The following CD109 variants were observed in gnomAD, a reference collection of about 807,000 sequenced individuals.
The protein encoded by CD109 is CD109 molecule.
In CD109, 149 loss-of-function variants were observed where a neutral mutation model predicts 165.8. The observed-to-expected ratio is 0.90, with a 90% CI of 0.79 to 1.03. The LOEUF is 1.03. CD109 is among the 50% of genes least tolerant of loss of function. The probability of loss-of-function intolerance (pLI) is 0.00; values close to 1 mark genes in which losing one functional copy is unlikely to be tolerated. For missense variants in CD109, 1,712 were observed against 1,677.8 expected, an observed-to-expected ratio of 1.02 and a Z score of -0.36; for synonymous variants, 585 against 592.1, an observed-to-expected ratio of 0.99 and a Z score of 0.18.
At chr6:73,693,649 C>G (rs1770728668), upstream of CD109, among the ~76,000 whole-genome samples, 2 of 152,160 alleles carry the variant, frequency 1.3e-5, no homozygotes, top group Non-Finnish European at 2.9e-5. Context: ...CTCCTGGGTT[C>G]AAGTGATTGT....
At chr6:73,703,991 C>A (rs1326631333) in intron 2 of CD109, among the ~76,000 whole-genome samples, 4 of 152,032 alleles carry the variant, frequency 2.6e-5, no homozygotes, top group Admixed American at 6.6e-5. Flanking sequence ...TCGAGACCAG[C>A]CTGGCCAACA....
chr6:73,724,110 A>G (rs1433734237), intron 3 of CD109, among the ~76,000 whole-genome samples: 2 of 152,130 alleles, frequency 1.3e-5, no homozygotes. Flanking sequence ...TTTTTGCATT[A>G]ATTTTGATAT....
intron 3 of CD109, among the ~76,000 whole-genome samples, chr6:73,724,738 C>G (rs1400521804): frequency 6.6e-6 from 1 of 151,794 alleles, no homozygotes; most frequent in Non-Finnish European, 1.5e-5. Flanking sequence ...CTCAGCCTCC[C>G]GACTACTGGC....
rs945072796 is a variant in CD109, at chr6:73,708,684, C to T, written c.247+11112C>T. ...TGTTGTTTCCTGACTTTTTAATGAT[C>T]GCCATTCTAACTGGTGTGAGATGGT... is the stretch of plus-strand genomic sequence containing the variant. On this transcript the variant is annotated intron_variant, in intron 2 of 32. Transcript: ENST00000287097. 1.6e-4 allele frequency among the ~76,000 whole-genome samples: 25 copies of T among 152,224 alleles called. No homozygotes were observed. The East Asian group carries it at 2.9e-3, about 18-fold the overall frequency.
chr6:73,769,994 A>G (rs1049790559), intron 14 of CD109, among the ~76,000 whole-genome samples: 1 of 152,238 alleles, frequency 6.6e-6, no homozygotes, highest in Admixed American at 6.5e-5. Context: ...AAGGCAGAAG[A>G]GTTTTTAAGC....
chr6:73,720,477 T>TA (rs1386893694), intron 2 of CD109, among the ~76,000 whole-genome samples: 1 of 152,178 alleles, frequency 6.6e-6, no homozygotes, highest in Non-Finnish European at 1.5e-5. Flanking sequence ...ATTGTATACT[T>TA]AAAAATTGCT....
chr6:73,693,865 C>G (rs907862622), upstream of CD109: 1 of 151,784 alleles, frequency 6.6e-6, no homozygotes, highest in African/African-American at 2.4e-5. Flanking sequence ...TTCAGTGTTT[C>G]TTTTTTCTTT....
Position 73,742,674 on chromosome 6 carries a change from T to C in CD109, c.633+6166T>C, listed in dbSNP as rs918921356. On this transcript the variant is annotated intron_variant, in intron 5 of 32. Coordinates refer to ENST00000287097, the MANE Select transcript of CD109 (RefSeq NM_133493.5). ...GATGACGGCAGCCCTGTGCTGTCTTTCCTCATTGTCAGATGGAAGTCTCTT... is the reference window on the plus strand; with the variant it reads ...GATGACGGCAGCCCTGTGCTGTCTTCCCTCATTGTCAGATGGAAGTCTCTT... Among the ~76,000 whole-genome samples the C allele has an allele frequency of 2.0e-5, 3 of 152,340 alleles. No homozygotes were observed. In the East Asian group the frequency reaches 5.8e-4, roughly 29 times the overall value.
chr6:73,767,071 T>C (rs1773882272), intron 13 of CD109, 61 bp downstream of exon 13: 2 of 1,451,644 alleles, frequency 1.4e-6, no homozygotes, highest in Non-Finnish European at 1.9e-6. Flanking sequence ...TATTCACTTT[T>C]AAGTTCTGGG....
intron 3 of CD109, 81 bp from the exon 4 acceptor site, chr6:73,730,262 CT>C (rs761026309): frequency 5.5e-6 from 5 of 905,712 alleles, no homozygotes; most frequent in Non-Finnish European, 5.2e-6. Context: ...TGTGTATTTA[CT>C]TTTTTTATTC....
chr6:73,751,002 A>C (rs967951658), intron 5 of CD109, among the ~76,000 whole-genome samples: 3 of 152,154 alleles, frequency 2.0e-5, no homozygotes, highest in African/African-American at 7.2e-5. Flanking sequence ...TAATAAAATA[A>C]AATGCTCCCT....
chr6:73,704,065 G>C (rs1414702216), intron 2 of CD109, among the ~76,000 whole-genome samples: 4 of 151,702 alleles, frequency 2.6e-5, no homozygotes, highest in Admixed American at 1.3e-4. Context: ...GGCGCCTATA[G>C]TCCCAGTTAC....
At position 73,763,585 on chromosome 6, in the gene CD109, G is replaced by T; in HGVS notation, c.1007G>T (p.Arg336Ile). 1.3e-6 allele frequency: 2 copies of T among 1,554,904 alleles called. No individual in the cohort carries two copies. Among genetic ancestry groups the T allele is most frequent in the South Asian group, 1.2e-5 (1 of 81,366 alleles). ...TVTESVTGIS[R>I]NVSTNVFFKQ... The stretch of plus-strand genomic sequence containing the variant: ...GCAATTTCCAAAAAAGGTATTTCAA[G>T]AAATGTAAGCACTAATGTGTTCTTC... Residue 336 changes from arginine to isoleucine, a missense_variant, in exon 10 of 33, where the codon AGA (arginine) becomes ATA (isoleucine). Arg to Ile is a moderately conservative substitution (Grantham distance 97). Coordinates refer to ENST00000287097, the MANE Select transcript of CD109 (RefSeq NM_133493.5).
At chr6:73,817,272 G>A (rs1216807248) in intron 30 of CD109, among the ~76,000 whole-genome samples, 1 of 152,166 alleles carries the variant, frequency 6.6e-6, no homozygotes, top group African/African-American at 2.4e-5. Flanking sequence ...AATATGTACT[G>A]AAAGTATAAT....
At chr6:73,722,297 A>G (rs191389520) in intron 2 of CD109, among the ~76,000 whole-genome samples, 1 of 152,330 alleles carries the variant, frequency 6.6e-6, no homozygotes, top group Non-Finnish European at 1.5e-5. Flanking sequence ...AGGTATCAAC[A>G]TACGTATTCC....
At chr6:73,769,958 T>C (rs144608012) in intron 14 of CD109, among the ~76,000 whole-genome samples, 1 of 152,300 alleles carries the variant, frequency 6.6e-6, no homozygotes, top group East Asian at 1.9e-4. Flanking sequence ...AAGAGAGAGA[T>C]GATAAACTCA....
intron 2 of CD109, chr6:73,722,995 C>A: frequency 3.6e-6 from 1 of 274,188 alleles, no homozygotes; most frequent in Non-Finnish European, 5.6e-6. Context: ...ATGATAATGG[C>A]AAAGAGAAGC....
chr6:73,719,278 T>A (rs1328503733), intron 2 of CD109, among the ~76,000 whole-genome samples: 1 of 152,224 alleles, frequency 6.6e-6, no homozygotes, highest in Non-Finnish European at 1.5e-5. Flanking sequence ...CAACTGTTGC[T>A]GTGAAATAAG....
Position 73,696,220 on chromosome 6 carries a change from A to T in CD109, c.5A>T (p.Gln2Leu), listed in dbSNP as rs1479441960. The change falls in exon 1 of 33, where the codon CAG (glutamine) becomes CTG (leucine). Residue 2 changes from glutamine to leucine, a missense_variant. Transcript: ENST00000287097. ...GCCCAGGCAGACGCCGTCGAGATGC[A>T]GGGCCCACCGCTCCTGACCGCCGCC... is the stretch of plus-strand genomic sequence containing the variant. M[Q>L]GPPLLTAAHL... The T allele has an allele frequency of 6.5e-7, 1 of 1,545,710 alleles. No homozygotes were observed. The highest frequency in any genetic ancestry group is 8.7e-7 in the Non-Finnish European group (1 of 1,149,734).
Sources: gnomAD v4.1 joint callset for allele counts (sites outside exome capture counted in the v4.1 genomes callset) on GRCh38, gnomAD v4.1.1 for gene constraint, MANE v1.5 for transcripts, NCBI Gene and HGNC (gene_info 2026-07-23, HGNC 2026-07-21) for gene names.